GUCY1A2: variants seen among roughly 807,000 people sequenced by gnomAD.
GUCY1A2 encodes the protein guanylate cyclase soluble subunit alpha-2.
A neutral mutation model predicts 63.5 loss-of-function variants in GUCY1A2; 27 were observed. That is an observed-to-expected ratio of 0.43 (90% CI 0.31 to 0.59). The LOEUF is 0.59. GUCY1A2 is among the 20% of genes least tolerant of loss of function. The pLI, the probability that GUCY1A2 is intolerant of heterozygous loss-of-function variation, is 0.11. For missense variants in GUCY1A2, 768 were observed against 913.3 expected (o/e 0.84, Z 2.05); for synonymous variants, 364 against 343.5 (o/e 1.06, Z -0.66).
intron 5 of GUCY1A2, among the ~76,000 whole-genome samples, chr11:106,786,299 A>T (rs1312173764): frequency 6.6e-6 from 1 of 152,206 alleles, no homozygotes; most frequent in Non-Finnish European, 1.5e-5. Context: ...AATTACACTC[A>T]TTTTGGTTGA....
rs996514868 is a variant in GUCY1A2, at chr11:106,678,196, T to C, written c.*9353A>G. 5.0e-6 allele frequency: 1 copy of C among 198,228 alleles called. No individual in the cohort carries two copies. The highest frequency in any genetic ancestry group is 1.0e-5 in the Non-Finnish European group (1 of 95,636). 12.3% of individuals were successfully genotyped at this position (198,228 alleles called of 1,614,324 possible). ...TTTATCTAGACCTTCTTGGCTAGAG[T>C]TTGATCTACCATCAGAAATAATTTC... On this transcript the variant is annotated 3_prime_UTR_variant, in exon 8 of 8. Coordinates refer to ENST00000526355, the MANE Select transcript of GUCY1A2 (RefSeq NM_000855.3).
intron 5 of GUCY1A2, among the ~76,000 whole-genome samples, chr11:106,777,990 T>C (rs1864389593): frequency 6.6e-6 from 1 of 152,140 alleles, no homozygotes; most frequent in Non-Finnish European, 1.5e-5. Flanking sequence ...TGAATGTCCA[T>C]TGCTGTTAAT....
At position 106,794,592 on chromosome 11, in the gene GUCY1A2, C is replaced by G. The variant is rs866249706; in HGVS notation, c.1692+15401G>C. Among the ~76,000 whole-genome samples the G allele has an allele frequency of 5.3e-5, 8 of 152,028 alleles. 1 individual carries two copies. In the South Asian group the frequency reaches 1.7e-3, roughly 32 times the overall value. ...TTGATTGTAATAATCATTATACAAT[C>G]TATGCATATATCAAATTGTCACATT... is the stretch of plus-strand genomic sequence containing the variant. On this transcript the variant is annotated intron_variant, in intron 5 of 7. Coordinates refer to ENST00000526355, the MANE Select transcript of GUCY1A2 (RefSeq NM_000855.3).
chr11:106,942,247 C>T (rs1860761789), intron 3 of GUCY1A2, among the ~76,000 whole-genome samples: 1 of 152,132 alleles, frequency 6.6e-6, no homozygotes. Flanking sequence ...ATCCCTTCCT[C>T]CTAAAACTCT....
intron 7 of GUCY1A2, among the ~76,000 whole-genome samples, chr11:106,706,633 G>C (rs2135347593): frequency 6.7e-6 from 1 of 149,132 alleles, no homozygotes; most frequent in Admixed American, 6.7e-5. Context: ...CCTCACACAG[G>C]TTGGGCCCAT....
chr11:106,772,754 T>C (rs1209936483), intron 6 of GUCY1A2, among the ~76,000 whole-genome samples: 1 of 152,142 alleles, frequency 6.6e-6, no homozygotes, highest in African/African-American at 2.4e-5. Flanking sequence ...ATACTCTCCA[T>C]AAAAGAAAAT....
intron 6 of GUCY1A2, among the ~76,000 whole-genome samples, chr11:106,759,937 A>C (rs189913195): frequency 7.9e-4 from 120 of 152,332 alleles, no homozygotes; most frequent in African/African-American, 2.6e-3. Flanking sequence ...CTCTGTCTCA[A>C]AAAAACGAAA....
rs77881288 is a variant in GUCY1A2, at chr11:106,682,531, G to A, written c.*5018C>T. The stretch of plus-strand genomic sequence containing the variant: ...GCAGATCAGCTGAACCACTGAACTA[G>A]GTCATTTCTTAAGGATGGGATGGCA... On this transcript the variant is annotated 3_prime_UTR_variant, in exon 8 of 8. Transcript: ENST00000526355. The A allele has an allele frequency of 0.013, 2,678 of 211,044 alleles. 23 individuals carry two copies. The highest frequency in any genetic ancestry group is 0.02 in the Non-Finnish European group (2,074 of 103,976). 13.1% of individuals were successfully genotyped at this position (211,044 alleles called of 1,614,324 possible). A position where few individuals can be genotyped will look rare whatever the true frequency, so the allele number is the denominator to read the frequency against.
chr11:106,773,749 T>C (rs913811072), intron 6 of GUCY1A2, among the ~76,000 whole-genome samples: 4 of 152,216 alleles, frequency 2.6e-5, no homozygotes, highest in Admixed American at 2.0e-4. Flanking sequence ...TTCTATTAAT[T>C]TGATTACTGA....
intron 1 of GUCY1A2, among the ~76,000 whole-genome samples, chr11:107,009,598 C>A (rs1223730978): frequency 6.6e-6 from 1 of 152,122 alleles, no homozygotes; most frequent in Non-Finnish European, 1.5e-5. Context: ...TCGGGAAAAA[C>A]GGGCAGAGTC....
intron 5 of GUCY1A2, among the ~76,000 whole-genome samples, chr11:106,778,888 G>A (rs191975036): frequency 6.6e-6 from 1 of 151,966 alleles, no homozygotes; most frequent in African/African-American, 2.4e-5. Context: ...GTGCTATGTA[G>A]ATCTGTATAG....
At chr11:106,697,347 G>C (rs1358748625) in intron 7 of GUCY1A2, among the ~76,000 whole-genome samples, 1 of 152,186 alleles carries the variant, frequency 6.6e-6, no homozygotes, top group Non-Finnish European at 1.5e-5. Context: ...AAAGAGCAGT[G>C]GGAAGAACTG....
chr11:106,879,499 C>T (rs547720545), intron 4 of GUCY1A2, among the ~76,000 whole-genome samples: 3 of 152,022 alleles, frequency 2.0e-5, no homozygotes, highest in East Asian at 3.9e-4. Flanking sequence ...TGGCATATTG[C>T]CCCATTTATC....
chr11:106,996,998 T>C (rs1387748708), intron 1 of GUCY1A2, among the ~76,000 whole-genome samples: 2 of 152,178 alleles, frequency 1.3e-5, no homozygotes, highest in Non-Finnish European at 2.9e-5. Flanking sequence ...GAATAATCAC[T>C]TTTTCTGGAA....
intron 4 of GUCY1A2, among the ~76,000 whole-genome samples, chr11:106,825,208 G>A (rs1858952067): frequency 6.6e-6 from 1 of 152,178 alleles, no homozygotes; most frequent in Admixed American, 6.5e-5. Flanking sequence ...TAAAATATTT[G>A]AGAATAAGTC....
At chr11:106,946,856 G>T (rs1860836277) in intron 3 of GUCY1A2, among the ~76,000 whole-genome samples, 1 of 152,014 alleles carries the variant, frequency 6.6e-6, no homozygotes, top group Non-Finnish European at 1.5e-5. Context: ...TAGGTAAATT[G>T]CATGGTATGT....
chr11:106,971,875 C>A (rs1465080839), intron 3 of GUCY1A2, among the ~76,000 whole-genome samples: 1 of 152,050 alleles, frequency 6.6e-6, no homozygotes, highest in Non-Finnish European at 1.5e-5. Context: ...ACAACTGGGG[C>A]AGAAAGTATG....
chr11:106,872,601 T>C (rs1395672643), intron 4 of GUCY1A2, among the ~76,000 whole-genome samples: 1 of 152,084 alleles, frequency 6.6e-6, no homozygotes, highest in African/African-American at 2.4e-5. Flanking sequence ...GACCAGTGAA[T>C]ACAAATCAGA....
intron 7 of GUCY1A2, among the ~76,000 whole-genome samples, chr11:106,693,230 A>G (rs1324193683): frequency 6.6e-6 from 1 of 152,198 alleles, no homozygotes; most frequent in African/African-American, 2.4e-5. Flanking sequence ...TAGATGTCGG[A>G]AATATCTTTA....
Sources: allele counts gnomAD v4.1 joint callset (sites outside exome capture counted in the v4.1 genomes callset), GRCh38; gene constraint gnomAD v4.1.1; transcripts MANE v1.5; gene names NCBI Gene and HGNC (gene_info 2026-07-23, HGNC 2026-07-21).